KAT6A: variants seen among roughly 807,000 people sequenced by gnomAD.
KAT6A encodes lysine acetyltransferase 6A.
A neutral mutation model predicts 198.4 loss-of-function variants in KAT6A; 9 were observed. That is an observed-to-expected ratio of 0.05 (90% confidence interval 0.03 to 0.08). The LOEUF (loss-of-function observed/expected upper bound fraction) is 0.08, where lower values mean the gene tolerates loss of function less well. Ranked by LOEUF, KAT6A falls within the 10% of genes least tolerant of loss-of-function variation. The probability of loss-of-function intolerance (pLI) is 1.00; values close to 1 mark genes in which losing one functional copy is unlikely to be tolerated. For missense variants in KAT6A, 2,077 were observed against 2,509.9 expected, an observed-to-expected ratio of 0.83 and a Z score of 3.69; for synonymous variants, 890 against 883.0, an observed-to-expected ratio of 1.01 and a Z score of -0.14.
chr8:41,964,903 C>T (rs1177532180), intron 8 of KAT6A, among the ~76,000 whole-genome samples: 2 of 151,978 alleles, frequency 1.3e-5, no homozygotes, highest in African/African-American at 2.4e-5. Context: ...GAGGAGGAGA[C>T]GATGATAATA....
chr8:41,933,035 T>A lies in KAT6A; in HGVS notation c.5185A>T (p.Ile1729Leu), dbSNP rs140560177. 254 of 1,613,876 alleles carry A rather than the reference T, an allele frequency of 1.6e-4. No individual in the cohort carries two copies. The highest frequency in any genetic ancestry group is 3.3e-4 in the Middle Eastern group (2 of 6,084). ...CCTGGAATCCTCTCATAGATACTTA[T>A]GTTCCCAGTGCTTCCAGATTCTGGT... ...EIPESGSTGN[I>L]SIYERIPGDF... The change falls in exon 17 of 17, where the codon ATA (isoleucine) becomes TTA (leucine). Residue 1729 changes from isoleucine to leucine, a missense_variant. Coordinates refer to ENST00000265713, the MANE Select transcript of KAT6A (RefSeq NM_006766.5). This position sits in a 1 kb window ranked among gnomAD's most constrained non-coding sequence, Gnocchi z 6.2.
chr8:41,978,760 T>G lies in KAT6A; in HGVS notation c.925A>C (p.Ile309Leu). The G allele has an allele frequency of 6.2e-7, 1 of 1,613,928 alleles. No homozygotes were observed. Among genetic ancestry groups the G allele is most frequent in the Non-Finnish European group, 8.5e-7 (1 of 1,179,878 alleles). Residue 309 changes from isoleucine (I) to leucine (L), a missense_variant, in exon 6 of 17, where the codon ATA (isoleucine) becomes CTA (leucine). Ile to Leu is a conservative substitution (Grantham distance 5). Around this residue, in one of 13 missense-constraint regions of KAT6A, gnomAD observed 89 missense variants for 154.4 expected, o/e 0.58. Coordinates refer to ENST00000265713, the MANE Select transcript of KAT6A (RefSeq NM_006766.5). ...RMPKGMWICQ[I>L]CRPRKKGRKL... ...CGTCCTTTTTTCCTAGGTCGACATA[T>G]TTGACATATCCACATGCCTATAAAA...
chr8:42,049,030 G>A lies in KAT6A; in HGVS notation c.-53C>T. The A allele has an allele frequency of 3.9e-6, 6 of 1,546,774 alleles. No individual in the cohort carries two copies. The highest frequency in any genetic ancestry group is 5.2e-6 in the Non-Finnish European group (6 of 1,149,756). Reference sequence around the variant, plus strand: ...TCGTTATCCCTTATCCTGATGCTGAGTAAGTTTTACACCATGGAAAACAAG... The same window carrying A: ...TCGTTATCCCTTATCCTGATGCTGAATAAGTTTTACACCATGGAAAACAAG... On this transcript the variant is annotated 5_prime_UTR_variant, in exon 2 of 17. Transcript: ENST00000265713.
chr8:41,966,133 A>C (rs559695158), intron 8 of KAT6A, among the ~76,000 whole-genome samples: 75 of 152,104 alleles, frequency 4.9e-4, no homozygotes, highest in Non-Finnish European at 8.5e-4. Context: ...CAGAACTTAC[A>C]GCACTATGCC....
chr8:41,936,958 C>T (rs1246390470), intron 16 of KAT6A, among the ~76,000 whole-genome samples: 1 of 152,176 alleles, frequency 6.6e-6, no homozygotes, highest in Non-Finnish European at 1.5e-5. Flanking sequence ...GTCCAACTCT[C>T]CCATTAACTA....
At chr8:41,984,773 T>C (rs1006434461) in intron 3 of KAT6A, among the ~76,000 whole-genome samples, 3 of 151,934 alleles carry the variant, frequency 2.0e-5, no homozygotes, top group East Asian at 1.9e-4. Flanking sequence ...GGTCAGGAGA[T>C]CGAGACCATC....
chr8:42,050,579 A>G (rs997946620), intron 1 of KAT6A, among the ~76,000 whole-genome samples: 2 of 152,204 alleles, frequency 1.3e-5, no homozygotes, highest in African/African-American at 2.4e-5. Flanking sequence ...TTCAAACCTG[A>G]GCCAAGATTT....
At chr8:42,026,779 C>T (rs188777202) in intron 2 of KAT6A, among the ~76,000 whole-genome samples, 171 of 152,068 alleles carry the variant, frequency 1.1e-3, no homozygotes, top group Non-Finnish European at 2.0e-3. Context: ...CTGAATGCTC[C>T]GGTTGGGATT....
intron 2 of KAT6A, among the ~76,000 whole-genome samples, chr8:41,992,008 C>A (rs978762042): frequency 6.6e-6 from 1 of 151,910 alleles, no homozygotes; most frequent in African/African-American, 2.4e-5. Context: ...TCTACTGGAG[C>A]CTGGGCAACA....
chr8:42,042,695 A>G (rs1010871377), intron 2 of KAT6A, among the ~76,000 whole-genome samples: 1 of 152,196 alleles, frequency 6.6e-6, no homozygotes, highest in African/African-American at 2.4e-5. Flanking sequence ...TTAGTTGACA[A>G]TACCTACTCT....
Position 42,012,285 on chromosome 8 carries a change from T to A in KAT6A, c.601-24722A>T, listed in dbSNP as rs778482956. Among the ~76,000 whole-genome samples, 4 of 152,174 alleles carry A rather than the reference T, an allele frequency of 2.6e-5. No individual in the cohort carries two copies. The South Asian group carries it at 8.3e-4, about 31-fold the overall frequency. On this transcript the variant is annotated intron_variant, in intron 2 of 16. Transcript: ENST00000265713. Reference sequence around the variant, plus strand: ...CAAGTCAAATGAAAACCTAGAGTAGTAGACTGAAATCCCCCACAGACAGCT... The same window carrying A: ...CAAGTCAAATGAAAACCTAGAGTAGAAGACTGAAATCCCCCACAGACAGCT...
At chr8:41,949,187 T>C in intron 10 of KAT6A, 35 bp downstream of exon 10, 2 of 1,426,390 alleles carry the variant, frequency 1.4e-6, no homozygotes, top group Non-Finnish European at 1.8e-6. Context: ...ACTTATGAAA[T>C]GGATGAGAGG....
At chr8:42,014,932 G>C (rs961995979) in intron 2 of KAT6A, among the ~76,000 whole-genome samples, 2 of 152,118 alleles carry the variant, frequency 1.3e-5, no homozygotes, top group Non-Finnish European at 2.9e-5. Flanking sequence ...TCAGGATTAC[G>C]CTAGGAAAGG....
In KAT6A at chr8:41,940,693, T is replaced by C. The variant is rs1222284152; in HGVS notation, c.3039+149A>G. 1.1e-5 allele frequency: 10 copies of C among 937,054 alleles called. No individual in the cohort carries two copies. The East Asian group carries it at 1.5e-4, about 14-fold the overall frequency. The allele number at this position is 937,054 out of a possible 1,614,324, so 58.0% of individuals were successfully genotyped here. A position where few individuals can be genotyped will look rare whatever the true frequency, so the allele number is the denominator to read the frequency against. The stretch of plus-strand genomic sequence containing the variant: ...ATCTCAAATGTTCACTGGGAAGATC[T>C]TGAGCTACAATATACAGAGGCTTAA... On this transcript the variant is annotated intron_variant, in intron 15 of 16. Coordinates refer to ENST00000265713, the MANE Select transcript of KAT6A (RefSeq NM_006766.5).
At chr8:41,954,887 A>G (rs1822849448) in intron 9 of KAT6A, among the ~76,000 whole-genome samples, 1 of 152,222 alleles carries the variant, frequency 6.6e-6, no homozygotes, top group Admixed American at 6.5e-5. Context: ...GGGAAAACAA[A>G]CCATTTATTA....
Position 41,931,265 on chromosome 8 carries a change from GGTGGCGTGTGT to G in KAT6A, c.*929_*939del, listed in dbSNP as rs1332661735. Reference sequence around the variant, plus strand: ...AGTACATACTAGAAACAAGAGGCTGGGTGGCGTGTGTGTGCGTTATGGCTGATTCACCAGGT... The same window carrying G: ...AGTACATACTAGAAACAAGAGGCTGGGTGCGTTATGGCTGATTCACCAGGT... On this transcript the variant is annotated 3_prime_UTR_variant, in exon 17 of 17. Coordinates refer to ENST00000265713, the MANE Select transcript of KAT6A (RefSeq NM_006766.5). 2 of 220,536 alleles carry G rather than the reference GGTGGCGTGTGT, an allele frequency of 9.1e-6. No homozygotes were observed. Among genetic ancestry groups the G allele is most frequent in the African/African-American group, 4.5e-5 (2 of 44,566 alleles). 13.7% of individuals were successfully genotyped at this position (220,536 alleles called of 1,614,324 possible). A position where few individuals can be genotyped will look rare whatever the true frequency, so the allele number is the denominator to read the frequency against.
chr8:42,042,197 G>A (rs886934727), intron 2 of KAT6A, among the ~76,000 whole-genome samples: 1 of 152,144 alleles, frequency 6.6e-6, no homozygotes, highest in African/African-American at 2.4e-5. Context: ...GGTGGCTCAC[G>A]CCTATAATCC....
chr8:42,010,079 T>C (rs1419534962), intron 2 of KAT6A, among the ~76,000 whole-genome samples: 1 of 151,902 alleles, frequency 6.6e-6, no homozygotes, highest in East Asian at 1.9e-4. Flanking sequence ...CAGAGGCAGA[T>C]GGATCACTTG....
chr8:41,983,918 T>C (rs1392479312), intron 3 of KAT6A, among the ~76,000 whole-genome samples: 1 of 152,260 alleles, frequency 6.6e-6, no homozygotes, highest in African/African-American at 2.4e-5. Flanking sequence ...TTTTCTTTCA[T>C]ATAAATTGCC....
Sources: allele counts gnomAD v4.1 joint callset (sites outside exome capture counted in the v4.1 genomes callset), GRCh38; gene constraint gnomAD v4.1.1; regional missense constraint gnomAD v4.1.1; non-coding constraint Gnocchi (gnomAD v3.1); transcripts MANE v1.5; gene names NCBI Gene and HGNC (gene_info 2026-07-23, HGNC 2026-07-21).